APBB3: variants seen among roughly 807,000 people sequenced by gnomAD.
APBB3 encodes the protein amyloid-beta A4 precursor protein-binding family B member 3.
A neutral mutation model predicts 61.5 loss-of-function variants in APBB3; 50 were observed. That is an observed-to-expected ratio of 0.81 (90% CI 0.65 to 1.03). The LOEUF (loss-of-function observed/expected upper bound fraction) is 1.03. Ranked by LOEUF, APBB3 falls within the 50% of genes least tolerant of loss-of-function variation. The probability of loss-of-function intolerance (pLI) is 0.00; values close to 1 mark genes in which losing one functional copy is unlikely to be tolerated. For missense variants in APBB3, 550 were observed against 637.4 expected, an observed-to-expected ratio of 0.86 and a Z score of 1.48; for synonymous variants, 235 against 233.0, an observed-to-expected ratio of 1.01 and a Z score of -0.08.
chr5:140,558,843 G>C (rs1476054608), intron 12 of APBB3, 22 bp from the exon 13 acceptor site: 2 of 1,604,988 alleles, frequency 1.2e-6, no homozygotes, highest in Non-Finnish European at 1.7e-6. Flanking sequence ...GGGAATGTGA[G>C]GATCCAGCTA....
In APBB3 at chr5:140,561,755, G is replaced by A. The variant is rs994997945; in HGVS notation, c.633-54C>T. 2.5e-6 allele frequency: 4 copies of A among 1,613,938 alleles called. No individual in the cohort carries two copies. In the African/African-American group the frequency reaches 5.3e-5, roughly 22 times the overall value. On this transcript the variant is annotated intron_variant, in intron 7 of 12. Transcript: ENST00000357560. Reference sequence around the variant, plus strand: ...AGAAGCTGGTTAGAGGCAGGAGCCTGCAGGAGGCTGGAAAGTCAGGCTAGG... The same window carrying A: ...AGAAGCTGGTTAGAGGCAGGAGCCTACAGGAGGCTGGAAAGTCAGGCTAGG...
rs548169457 is a variant in APBB3, at chr5:140,558,692, G to C, written c.1354C>G (p.Leu452Val). Residue 452 changes from leucine to valine, a missense_variant, in exon 13 of 13, where the codon CTG becomes GTG. By Grantham distance (32) the Leu-to-Val change is conservative (BLOSUM62 1). Coordinates refer to ENST00000357560, the MANE Select transcript of APBB3 (RefSeq NM_133173.3). ...GCACCGCCAACCCCTCCTTTGAGCA[G>C]GGGGAGGGGCAGGGGACCTCCTGGG... is the stretch of plus-strand genomic sequence containing the variant. Reference protein sequence around the residue: ...DSPGGPLPLPLLKGGVGGAGA... With the variant: ...DSPGGPLPLPVLKGGVGGAGA... The C allele has an allele frequency of 7.4e-6, 12 of 1,612,088 alleles. No individual in the cohort carries two copies. Among genetic ancestry groups the C allele is most frequent in the Non-Finnish European group, 6.8e-6 (8 of 1,179,474 alleles).
rs774627666 is a variant in APBB3 at position 140,560,788 on chromosome 5, AAAAG to A, written c.917-38_917-35del. On this transcript the variant is annotated intron_variant, in intron 10 of 12. Coordinates refer to ENST00000357560, the MANE Select transcript of APBB3 (RefSeq NM_133173.3). This position sits in a 1 kb window ranked among gnomAD's most constrained non-coding sequence, Gnocchi z 5.1. ...ACATACCCAGCGTGTCTCCCAGTGT[AAAAG>A]AAAGAGTCTGCAGGGAGTGTCTAGC... is the stretch of plus-strand genomic sequence containing the variant. The A allele has an allele frequency of 5.6e-6, 9 of 1,593,056 alleles. No homozygotes were observed. The highest frequency in any genetic ancestry group is 5.4e-5 in the African/African-American group (4 of 74,568).
intron 6 of APBB3, 85 bp from the exon 7 acceptor site, chr5:140,561,934 C>G: frequency 1.2e-6 from 2 of 1,611,902 alleles, no homozygotes; most frequent in Non-Finnish European, 1.7e-6. Flanking sequence ...GAGCTGGGCC[C>G]ACCCTCCCCA....
Position 140,560,358 on chromosome 5 carries a change from C to T in APBB3, c.1179G>A (p.Gln393=). 3.7e-6 allele frequency: 6 copies of T among 1,612,346 alleles called. No individual in the cohort carries two copies. The highest frequency in any genetic ancestry group is 5.1e-6 in the Non-Finnish European group (6 of 1,179,866). ...CTTCAGAGAGTCCCCCTGCATGGGG[C>T]TGGCACCAGAAGGCTGCGCACTGGA... The part of the protein sequence containing the change: ...QSFQCAAFWC[Q]PHAGGLSEAV... The change falls in exon 12 of 13, where the codon CAG becomes CAA. Residue 393 remains glutamine (Q), a synonymous_variant. Transcript: ENST00000357560. The surrounding 1 kb of genome is among the most constrained non-coding windows in gnomAD (Gnocchi z 5.1).
At position 140,560,733 on chromosome 5, in the gene APBB3, G is replaced by A. The variant is rs1432977921; in HGVS notation, c.938C>T (p.Ala313Val). The A allele has an allele frequency of 2.5e-6, 4 of 1,614,150 alleles. No individual in the cohort carries two copies. The highest frequency in any genetic ancestry group is 3.4e-6 in the Non-Finnish European group (4 of 1,180,010). ...KAMGMDVLNE[A>V]IGTLTARGDR... ...CCCCCTGGCGGTGAGGGTACCAATGGCCTCGTTCAGCACATCCATGCCTGG... is the reference window on the plus strand; with the variant it reads ...CCCCCTGGCGGTGAGGGTACCAATGACCTCGTTCAGCACATCCATGCCTGG... Residue 313 changes from alanine to valine, a missense_variant, in exon 11 of 13, where the codon GCC (alanine) becomes GTC (valine). Coordinates refer to ENST00000357560, the MANE Select transcript of APBB3 (RefSeq NM_133173.3). This position sits in a 1 kb window ranked among gnomAD's most constrained non-coding sequence, Gnocchi z 5.1.
chr5:140,559,998 A>G lies in APBB3; in HGVS notation c.1224+315T>C, dbSNP rs1432961295. On this transcript the variant is annotated intron_variant, in intron 12 of 12. Coordinates refer to ENST00000357560, the MANE Select transcript of APBB3 (RefSeq NM_133173.3). Reference sequence around the variant, plus strand: ...ATAAACCTAAATGAGACAAACAGGAACAATGCCAACTCTTTAGGGCACAGC... The same window carrying G: ...ATAAACCTAAATGAGACAAACAGGAGCAATGCCAACTCTTTAGGGCACAGC... Among the ~76,000 whole-genome samples the G allele has an allele frequency of 3.3e-5, 5 of 152,370 alleles. No homozygotes were observed. In the South Asian group the frequency reaches 6.2e-4, roughly 19 times the overall value.
At chr5:140,561,123 G>A (rs1754936411) in intron 9 of APBB3, 22 bp from the exon 10 acceptor site, 3 of 1,613,522 alleles carry the variant, frequency 1.9e-6, no homozygotes, top group African/African-American at 1.3e-5. Context: ...ACACCAAGTT[G>A]GCCTGGAAGC....
chr5:140,564,314 T>C lies in APBB3; in HGVS notation c.-69A>G, dbSNP rs944876947. ...AGCCCAGCGCGACCTCTGGAGCTAC[T>C]GCGCCTGCAAGCCCAGCCTCTCTGC... On this transcript the variant is annotated 5_prime_UTR_variant, in exon 1 of 13. Coordinates refer to ENST00000357560, the MANE Select transcript of APBB3 (RefSeq NM_133173.3). This position sits in a 1 kb window ranked among gnomAD's most constrained non-coding sequence, Gnocchi z 5.0. 6.3e-7 allele frequency: 1 copy of C among 1,576,102 alleles called. No individual in the cohort carries two copies. Among genetic ancestry groups the C allele is most frequent in the Non-Finnish European group, 8.6e-7 (1 of 1,162,042 alleles).
chr5:140,558,524 TA>T lies in APBB3; in HGVS notation c.*60del, dbSNP rs1754796945. 1 of 1,529,076 alleles carries T rather than the reference TA, an allele frequency of 6.5e-7. No homozygotes were observed. Among genetic ancestry groups the T allele is most frequent in the Non-Finnish European group, 9.1e-7 (1 of 1,102,464 alleles). 94.7% of individuals were successfully genotyped at this position (1,529,076 alleles called of 1,614,324 possible). On this transcript the variant is annotated 3_prime_UTR_variant, in exon 13 of 13. Coordinates refer to ENST00000357560, the MANE Select transcript of APBB3 (RefSeq NM_133173.3). Reference sequence around the variant, plus strand: ...GTGACAGGCTATAGGCCTTGAGGAATAAAACGGTACAGAGTTAGGCATGGAC... The same window carrying T: ...GTGACAGGCTATAGGCCTTGAGGAATAAACGGTACAGAGTTAGGCATGGAC...
rs776676458 is a variant in APBB3 at position 140,561,460 on chromosome 5, A to G, written c.748-11T>C. 13 of 1,613,956 alleles carry G rather than the reference A, an allele frequency of 8.1e-6. No individual in the cohort carries two copies. The highest frequency in any genetic ancestry group is 1.1e-5 in the South Asian group (1 of 91,084). ...TCGCTCTGACAAGATCTAAAACACA[A>G]TGAAGCCAGCATGACCCACAGGGAG... On this transcript the variant is annotated splice_polypyrimidine_tract_variant and intron_variant, in intron 8 of 12. Transcript: ENST00000357560.
At chr5:140,561,781 G>A in intron 7 of APBB3, 63 bp downstream of exon 7, 1 of 1,614,052 alleles carries the variant, frequency 6.2e-7, no homozygotes, top group African/African-American at 1.3e-5. Context: ...TCAGGCTAGG[G>A]ATATAGCAGG....
chr5:140,558,598 A>G lies in APBB3; in HGVS notation c.1448T>C (p.Leu483Pro). 1 of 1,614,158 alleles carries G rather than the reference A, an allele frequency of 6.2e-7. No individual in the cohort carries two copies. ...TCCCAGATAAGTTTAGGGCATATGG[A>G]GCAGAGAGGGTTTCAGCCGGAAGGC... is the stretch of plus-strand genomic sequence containing the variant. ...LDAFRLKPSL[L>P]HMP The change falls in exon 13 of 13, where the codon CTC becomes CCC. Residue 483 changes from leucine to proline, a missense_variant. Transcript: ENST00000357560.
chr5:140,563,283 C>T lies in APBB3; in HGVS notation c.290+311G>A, dbSNP rs10070193. 9.7e-3 allele frequency: 4,120 copies of T among 425,960 alleles called. 131 individuals carry two copies. Among genetic ancestry groups the T allele is most frequent in the African/African-American group, 0.077 (3,703 of 48,128 alleles). The allele number at this position is 425,960 out of a possible 1,614,324, so 26.4% of individuals were successfully genotyped here. Reference sequence around the variant, plus strand: ...TAAAAGTCACAAAATAGAACAGGGTCCAATATGTGGACCAGAACCCCAAAG... The same window carrying T: ...TAAAAGTCACAAAATAGAACAGGGTTCAATATGTGGACCAGAACCCCAAAG... On this transcript the variant is annotated intron_variant, in intron 3 of 12. Coordinates refer to ENST00000357560, the MANE Select transcript of APBB3 (RefSeq NM_133173.3).
chr5:140,562,043 C>G (rs1297470954), intron 6 of APBB3, 57 bp downstream of exon 6: 2 of 1,612,560 alleles, frequency 1.2e-6, no homozygotes, highest in South Asian at 2.2e-5. Flanking sequence ...GTGGGGATCA[C>G]AGCCTGCAGC....
Position 140,562,671 on chromosome 5 carries a change from C to G in APBB3, c.343G>C (p.Gly115Arg), listed in dbSNP as rs978798910. ...CAGGCCCAAGTCACTACCTTAGCCC[C>G]TGGCTCCATGCTCTGGATGTAGGAT... ...GESYIQSMEP[G>R]AKCFAVRSLG... Residue 115 changes from glycine to arginine, a missense_variant, in exon 4 of 13, where the codon GGG (glycine) becomes CGG (arginine). By Grantham distance (125) the Gly-to-Arg change is moderately radical. Transcript: ENST00000357560. 6.2e-7 allele frequency: 1 copy of G among 1,614,236 alleles called. No individual in the cohort carries two copies. The highest frequency in any genetic ancestry group is 8.5e-7 in the Non-Finnish European group (1 of 1,180,048).
At position 140,563,752 on chromosome 5, in the gene APBB3, C is replaced by T; in HGVS notation, c.213G>A (p.Thr71=). 2.5e-6 allele frequency: 4 copies of T among 1,614,088 alleles called. No individual in the cohort carries two copies. The highest frequency in any genetic ancestry group is 3.4e-6 in the Non-Finnish European group (4 of 1,179,998). Residue 71 remains threonine (T), a splice_region_variant and synonymous_variant, in exon 2 of 13, where the codon ACG becomes ACA. Coordinates refer to ENST00000357560, the MANE Select transcript of APBB3 (RefSeq NM_133173.3). ...GACCTCCTCCTCACACTCTACCTAC[C>T]GTGCCTGGGTCCTCTGCATCTCCTA... ...WELGDAEDPG[T]GTEGIWGLRP... is the part of the protein sequence containing the mutation.
Position 140,560,346 on chromosome 5 carries a change from C to T in APBB3, c.1191G>A (p.Gly397=). The change falls in exon 12 of 13, where the codon GGG becomes GGA. Residue 397 remains glycine, a synonymous_variant. Coordinates refer to ENST00000357560, the MANE Select transcript of APBB3 (RefSeq NM_133173.3). The surrounding 1 kb of genome is among the most constrained non-coding windows in gnomAD (Gnocchi z 5.1). The part of the protein sequence containing the change: ...CAAFWCQPHA[G]GLSEAVQAAC... ...CAGCCTGCACAGCTTCAGAGAGTCC[C>T]CCTGCATGGGGCTGGCACCAGAAGG... is the stretch of plus-strand genomic sequence containing the variant. The T allele has an allele frequency of 6.2e-7, 1 of 1,614,174 alleles. No individual in the cohort carries two copies. The highest frequency in any genetic ancestry group is 8.5e-7 in the Non-Finnish European group (1 of 1,180,020).
At chr5:140,563,508 G>A in intron 3 of APBB3, 86 bp downstream of exon 3, 3 of 1,504,070 alleles carry the variant, frequency 2.0e-6, no homozygotes, top group Non-Finnish European at 2.8e-6. Context: ...TCCAGAACCT[G>A]GGCTGGAAAG....
Sources: gnomAD v4.1 joint callset for allele counts (sites outside exome capture counted in the v4.1 genomes callset) on GRCh38, gnomAD v4.1.1 for gene constraint, Gnocchi (gnomAD v3.1) non-coding constraint, MANE v1.5 for transcripts, NCBI Gene and HGNC (gene_info 2026-07-23, HGNC 2026-07-21) for gene names.